Variants in COL6A2 observed in about 807,000 individuals in gnomAD.
COL6A2 encodes collagen type VI alpha 2 chain.
A neutral mutation model predicts 124.9 loss-of-function variants in COL6A2; 90 were observed. The ratio of observed to expected loss-of-function variants is 0.72; its 90% CI spans 0.61 to 0.86. COL6A2 has a LOEUF of 0.86. COL6A2 is among the 40% of genes least tolerant of loss of function. The pLI is 0.00. For synonymous variants in COL6A2, 793 were observed against 618.2 expected (o/e 1.28, Z -4.19); for missense variants, 1,607 against 1,502.5 (o/e 1.07, Z -1.15).
chr21:46,121,583 GGACCCCGTGGAGACTCAGGACAGCCA>G lies in COL6A2; in HGVS notation c.1488_1513del (p.Arg498GlnfsTer59). 6.2e-7 allele frequency: 1 copy of G among 1,612,844 alleles called. No individual in the cohort carries two copies. Among genetic ancestry groups the G allele is most frequent in the East Asian group, 2.2e-5 (1 of 44,876 alleles). On this transcript the variant is annotated frameshift_variant, in exon 18 of 28. Transcript: ENST00000300527. LOFTEE classifies it high-confidence loss of function. ...ATCTCGGGGAGACCCCGGTGATGCAGGACCCCGTGGAGACTCAGGACAGCCAGGCCCCAAGGTACGTGCCCCTCCCC... is the reference window on the plus strand; with the variant it reads ...ATCTCGGGGAGACCCCGGTGATGCAGGGCCCCAAGGTACGTGCCCCTCCCC...
At chr21:46,117,984 A>G (rs910381777) in intron 12 of COL6A2, 48 bp downstream of exon 12, 1 of 1,572,270 alleles carries the variant, frequency 6.4e-7, no homozygotes, top group Non-Finnish European at 8.7e-7. Flanking sequence ...ACCAGCTTCC[A>G]GGGGCCTCCT....
At chr21:46,120,626 T>C in intron 16 of COL6A2, 49 bp downstream of exon 16, 3 of 1,422,826 alleles carry the variant, frequency 2.1e-6, no homozygotes, top group South Asian at 1.5e-5. Context: ...TCTGAGGGGG[T>C]GCAGGGGGGC....
Position 46,132,530 on chromosome 21 carries a change from G to A in COL6A2, c.3038G>A (p.Arg1013His), listed in dbSNP as rs751512548. The change falls in exon 28 of 28, where the codon CGC becomes CAC. Residue 1013 changes from arginine (R) to histidine (H), a missense_variant. Around this residue, in one of 3 missense-constraint regions of COL6A2, gnomAD observed 1,223 missense variants for 1,052.2 expected, o/e 1.16. Transcript: ENST00000300527. ...CTGGCGCAACCCGGCTTCTTCGACC[G>A]CTTCATCCGCTGGATCTGCTAGCGC... Reference protein sequence around the residue: ...DSLAQPGFFDRFIRWIC With the variant: ...DSLAQPGFFDHFIRWIC 9.3e-6 allele frequency: 15 copies of A among 1,604,816 alleles called. No homozygotes were observed. Among genetic ancestry groups the A allele is most frequent in the East Asian group, 4.5e-5 (2 of 44,840 alleles).
intron 1 of COL6A2, among the ~76,000 whole-genome samples, chr21:46,105,780 T>G (rs114025197): frequency 6.6e-6 from 1 of 152,190 alleles, no homozygotes; most frequent in African/African-American, 2.4e-5. Context: ...AAAAATTAAT[T>G]AAACACAAGA....
intron 4 of COL6A2, 52 bp from the exon 5 acceptor site, chr21:46,113,956 C>T (rs2078437373): frequency 2.0e-6 from 3 of 1,486,836 alleles, no homozygotes; most frequent in Non-Finnish European, 9.4e-7. Context: ...TGCCCTGCCA[C>T]CTGAGGAATG....
chr21:46,130,691 C>CA (rs1170346468), intron 27 of COL6A2, among the ~76,000 whole-genome samples: 1 of 152,222 alleles, frequency 6.6e-6, no homozygotes, highest in Non-Finnish European at 1.5e-5. Context: ...CCTTGCATGT[C>CA]TGTCTCCATA....
At chr21:46,103,141 T>C (rs1407093273) in intron 1 of COL6A2, among the ~76,000 whole-genome samples, 2 of 152,216 alleles carry the variant, frequency 1.3e-5, no homozygotes, top group African/African-American at 2.4e-5. Context: ...GATTTGATTT[T>C]GTCTTGATAG....
intron 27 of COL6A2, among the ~76,000 whole-genome samples, chr21:46,131,597 C>T (rs2078760546): frequency 6.6e-6 from 1 of 152,166 alleles, no homozygotes; most frequent in Non-Finnish European, 1.5e-5. Context: ...AGACAGTGGC[C>T]CTTTTGTGGG....
At chr21:46,128,790 G>A (rs972916393) in intron 27 of COL6A2, 6 of 893,500 alleles carry the variant, frequency 6.7e-6, no homozygotes, top group Non-Finnish European at 1.1e-5. Context: ...CTGAGGAAGG[G>A]TTTACCACCG....
intron 27 of COL6A2, chr21:46,128,932 G>GT: frequency 6.2e-7 from 1 of 1,612,556 alleles, no homozygotes; most frequent in Non-Finnish European, 8.5e-7. Context: ...GTGCTGAAAG[G>GT]TTTTCTCGGG....
intron 15 of COL6A2, 84 bp from the exon 16 acceptor site, chr21:46,120,431 C>A (rs1466650839): frequency 6.1e-6 from 7 of 1,151,046 alleles, no homozygotes; most frequent in South Asian, 1.4e-5. Context: ...CCTTCCCCAA[C>A]CCCCGGCCAC....
rs16978870 is a variant in COL6A2 at position 46,125,396 on chromosome 21, T to C, written c.1817-69T>C. 164,780 of 1,606,794 alleles carry C rather than the reference T, an allele frequency of 0.1. 11,048 individuals carry two copies. The highest frequency in any genetic ancestry group is 0.32 in the African/African-American group (24,120 of 74,868). Reference sequence around the variant, plus strand: ...GCAGGGCTGGGTCATCGCTGGGTCCTGCATGTGCACGTGACCCTAGGGTCT... The same window carrying C: ...GCAGGGCTGGGTCATCGCTGGGTCCCGCATGTGCACGTGACCCTAGGGTCT... On this transcript the variant is annotated intron_variant, in intron 24 of 27. Coordinates refer to ENST00000300527, the MANE Select transcript of COL6A2 (RefSeq NM_001849.4).
intron 27 of COL6A2, chr21:46,129,454 T>G (rs372461058): frequency 1.2e-6 from 2 of 1,601,876 alleles, no homozygotes; most frequent in Middle Eastern, 1.7e-4. Flanking sequence ...CACAGGGACA[T>G]CGTGGGGGAC....
chr21:46,112,059 C>T lies in COL6A2; in HGVS notation c.196C>T (p.Leu66=), dbSNP rs201055113. ...SVTMQSPTDI[L]LFHMKQFVPQ... ...CACCATGCAGTCCCCCACGGACATC[C>T]TGCTCTTCCACATGAAGCAGTTCGT... is the stretch of plus-strand genomic sequence containing the variant. Residue 66 remains leucine, a synonymous_variant, in exon 3 of 28, where the codon CTG becomes TTG. Coordinates refer to ENST00000300527, the MANE Select transcript of COL6A2 (RefSeq NM_001849.4). 2.9e-5 allele frequency: 47 copies of T among 1,613,056 alleles called. No homozygotes were observed. Among genetic ancestry groups the T allele is most frequent in the Non-Finnish European group, 3.8e-5 (45 of 1,180,038 alleles).
chr21:46,125,060 A>C (rs2078639392), intron 23 of COL6A2, 140 bp downstream of exon 23: 1 of 1,244,236 alleles, frequency 8.0e-7, no homozygotes, highest in East Asian at 2.4e-5. Context: ...GTCAGAGAGC[A>C]AGCTTGGTTG....
chr21:46,132,121 G>T lies in COL6A2; in HGVS notation c.2629G>T (p.Val877Leu), dbSNP rs369396198. 7 of 1,581,942 alleles carry T rather than the reference G, an allele frequency of 4.4e-6. No homozygotes were observed. Among genetic ancestry groups the T allele is most frequent in the East Asian group, 2.3e-5 (1 of 42,610 alleles). Residue 877 changes from valine to leucine, a missense_variant, in exon 28 of 28, where the codon GTG (valine) becomes TTG (leucine). Val to Leu is a conservative substitution (Grantham distance 32). Coordinates refer to ENST00000300527, the MANE Select transcript of COL6A2 (RefSeq NM_001849.4). Reference protein sequence around the residue: ...RRDDDPLNARVALLQFGGPGE... With the variant: ...RRDDDPLNARLALLQFGGPGE... ...GGACGACGACCCTCTCAACGCACGC[G>T]TGGCGCTGCTGCAGTTTGGTGGCCC...
In COL6A2 at chr21:46,112,361, C is replaced by T. The variant is rs762436629; in HGVS notation, c.498C>T (p.Thr166=). The T allele has an allele frequency of 2.1e-5, 34 of 1,608,430 alleles. No homozygotes were observed. The highest frequency in any genetic ancestry group is 8.4e-5 in the Admixed American group (5 of 59,842). ...TGGTCATCACCGACGGCCACGTCAC[C>T]GGCAGCCCCTGCGGGGGCATCAAGC... The part of the protein sequence containing the change: ...FAVVITDGHV[T]GSPCGGIKLQ... The change falls in exon 3 of 28, where the codon ACC becomes ACT. Residue 166 remains threonine (T), a synonymous_variant. Coordinates refer to ENST00000300527, the MANE Select transcript of COL6A2 (RefSeq NM_001849.4).
intron 23 of COL6A2, 123 bp downstream of exon 23, chr21:46,125,043 G>A (rs2078638978): frequency 7.7e-7 from 1 of 1,305,168 alleles, no homozygotes; most frequent in African/African-American, 1.5e-5. Context: ...GGAGGTCAGA[G>A]GGCAAGGTCA....
At chr21:46,120,121 C>T (rs78847731) in intron 15 of COL6A2, among the ~76,000 whole-genome samples, 4 of 15,600 alleles carry the variant, frequency 2.6e-4, no homozygotes, top group South Asian at 1.2e-3. Context: ...TCACACCCCC[C>T]GGCCCCCACT....
Sources: gnomAD v4.1 joint callset for allele counts (sites outside exome capture counted in the v4.1 genomes callset) on GRCh38, gnomAD v4.1.1 for gene constraint, gnomAD v4.1.1 regional missense constraint, MANE v1.5 for transcripts, NCBI Gene and HGNC (gene_info 2026-07-23, HGNC 2026-07-21) for gene names.